The following CTIF variants were observed in gnomAD, a reference collection of about 807,000 sequenced individuals.
CTIF encodes the protein CBP80/20-dependent translation initiation factor.
In CTIF, 21 loss-of-function variants were observed where a neutral mutation model predicts 66.0. The observed-to-expected ratio is 0.32, with a 90% confidence interval of 0.23 to 0.46. CTIF has a LOEUF of 0.46. Ranked by LOEUF, CTIF falls within the 20% of genes least tolerant of loss-of-function variation. CTIF has a pLI of 1.00. For synonymous variants in CTIF, 345 were observed against 326.4 expected, an observed-to-expected ratio of 1.06 and a Z score of -0.62; for missense variants, 739 against 812.7, an observed-to-expected ratio of 0.91 and a Z score of 1.10.
intron 7 of CTIF, among the ~76,000 whole-genome samples, chr18:48,721,475 A>G (rs997522644): frequency 4.6e-5 from 7 of 152,300 alleles, no homozygotes; most frequent in Non-Finnish European, 7.4e-5. Flanking sequence ...CGGAGCCCCA[A>G]GCAACCTGGC....
intron 1 of CTIF, among the ~76,000 whole-genome samples, chr18:48,601,259 A>C (rs1177886164): frequency 6.6e-6 from 1 of 152,220 alleles, no homozygotes; most frequent in Non-Finnish European, 1.5e-5. Context: ...TCCCAAAAGA[A>C]AAATGTGTTT....
At chr18:48,733,712 G>A (rs2092475160) in intron 7 of CTIF, among the ~76,000 whole-genome samples, 1 of 152,240 alleles carries the variant, frequency 6.6e-6, no homozygotes, top group Non-Finnish European at 1.5e-5. Flanking sequence ...TTCATTTGCA[G>A]CCCGTGATGA....
chr18:48,636,065 T>C (rs1393468478), intron 2 of CTIF, among the ~76,000 whole-genome samples: 2 of 152,174 alleles, frequency 1.3e-5, no homozygotes, highest in Admixed American at 6.5e-5. Flanking sequence ...AGACCACACT[T>C]TGGGACACAG....
intron 9 of CTIF, among the ~76,000 whole-genome samples, chr18:48,776,151 C>T (rs1599023356): frequency 6.6e-6 from 1 of 152,316 alleles, no homozygotes; most frequent in East Asian, 1.9e-4. Flanking sequence ...TGGTGTGGCA[C>T]CAAGGGCCTG....
intron 3 of CTIF, among the ~76,000 whole-genome samples, chr18:48,638,575 G>A (rs1381038697): frequency 1.3e-5 from 2 of 152,060 alleles, no homozygotes; most frequent in East Asian, 1.9e-4. Context: ...GTAGGGGTTC[G>A]CCAGATAATA....
intron 1 of CTIF, among the ~76,000 whole-genome samples, chr18:48,564,095 A>G (rs1232305989): frequency 2.0e-5 from 3 of 151,858 alleles, no homozygotes; most frequent in Non-Finnish European, 4.4e-5. Context: ...GGTTTTCCTC[A>G]TTTTCAGGAG....
chr18:48,561,202 C>A (rs1399267185), intron 1 of CTIF, among the ~76,000 whole-genome samples: 1 of 117,644 alleles, frequency 8.5e-6, no homozygotes, highest in Non-Finnish European at 1.6e-5. Context: ...TGTGCCACTG[C>A]ATTTCAGCTT....
rs1212960290 is a variant in CTIF at position 48,853,076 on chromosome 18, ACT to A, written c.1528-4508_1528-4507del. On this transcript the variant is annotated intron_variant, in intron 10 of 11. Coordinates refer to ENST00000256413, the MANE Select transcript of CTIF (RefSeq NM_014772.3). ...TGAGCATTTTCCTTTCCTGTCACAG[ACT>A]CTCAGCTGGGCGAGTTTTCTCCCTG... Among the ~76,000 whole-genome samples, 4 of 151,908 alleles carry A rather than the reference ACT, an allele frequency of 2.6e-5. No homozygotes were observed. In the South Asian group the frequency reaches 6.2e-4, roughly 24 times the overall value.
intron 10 of CTIF, among the ~76,000 whole-genome samples, chr18:48,832,415 C>T (rs1439365055): frequency 1.3e-5 from 2 of 152,062 alleles, no homozygotes; most frequent in East Asian, 1.9e-4. Context: ...CAAGCAATCC[C>T]GCCTCAGCCT....
rs528909716 is a variant in CTIF, at chr18:48,774,688, G to C, written c.1371+12999G>C. Reference sequence around the variant, plus strand: ...TCCAGAGAAGTCTGTATGCACCCAGGTCATTCACACCTAGACCCATTAAGC... The same window carrying C: ...TCCAGAGAAGTCTGTATGCACCCAGCTCATTCACACCTAGACCCATTAAGC... On this transcript the variant is annotated intron_variant, in intron 9 of 11. Transcript: ENST00000256413. 1.2e-4 allele frequency among the ~76,000 whole-genome samples: 18 copies of C among 152,200 alleles called. No individual in the cohort carries two copies. In the East Asian group the frequency reaches 3.5e-3, roughly 29 times the overall value.
At chr18:48,738,478 G>A (rs763928101) in intron 7 of CTIF, among the ~76,000 whole-genome samples, 3 of 151,700 alleles carry the variant, frequency 2.0e-5, no homozygotes, top group Non-Finnish European at 4.4e-5. Flanking sequence ...CTGCACTCCC[G>A]CCACCCTGCC....
chr18:48,849,225 T>G (rs1599161808), intron 10 of CTIF, among the ~76,000 whole-genome samples: 1 of 128,954 alleles, frequency 7.8e-6, no homozygotes, highest in African/African-American at 3.1e-5. Flanking sequence ...TGAGACAGAG[T>G]CTTACTCTGT....
intron 10 of CTIF, among the ~76,000 whole-genome samples, chr18:48,847,129 G>A (rs1406346689): frequency 1.3e-5 from 2 of 151,910 alleles, no homozygotes; most frequent in Non-Finnish European, 2.9e-5. Context: ...CCAACATGGT[G>A]AAACCCCATC....
intron 7 of CTIF, among the ~76,000 whole-genome samples, chr18:48,713,848 A>C (rs1294961463): frequency 6.6e-6 from 1 of 152,178 alleles, no homozygotes; most frequent in Non-Finnish European, 1.5e-5. Context: ...AAACATCTTG[A>C]CCATTTGGGG....
intron 1 of CTIF, among the ~76,000 whole-genome samples, chr18:48,559,350 C>T (rs2089097903): frequency 6.6e-6 from 1 of 151,954 alleles, no homozygotes; most frequent in Non-Finnish European, 1.5e-5. Context: ...GGTCTGTAGT[C>T]CTACCACCCC....
At chr18:48,774,008 G>A (rs1463823443) in intron 9 of CTIF, among the ~76,000 whole-genome samples, 1 of 152,148 alleles carries the variant, frequency 6.6e-6, no homozygotes, top group Non-Finnish European at 1.5e-5. Flanking sequence ...TCTAGATAAA[G>A]AGCAGGCCCC....
intron 7 of CTIF, among the ~76,000 whole-genome samples, chr18:48,755,150 G>A (rs1001597934): frequency 1.2e-4 from 18 of 152,356 alleles, no homozygotes; most frequent in African/African-American, 3.6e-4. Context: ...TAAGGATGAC[G>A]AAAGTTGTGA....
intron 1 of CTIF, among the ~76,000 whole-genome samples, chr18:48,569,596 A>T (rs1202220037): frequency 6.6e-6 from 1 of 152,240 alleles, no homozygotes; most frequent in African/African-American, 2.4e-5. Flanking sequence ...ATTTGATTTA[A>T]TACCATGTGA....
In CTIF at chr18:48,761,506, C is replaced by A. The variant is rs756915974; in HGVS notation, c.1188C>A (p.Phe396Leu). ...ACGTGGACACCAAGCTCACCACCTT[C>A]ATGGAGGAGGCCCAGAACTCCACCA... is the stretch of plus-strand genomic sequence containing the variant. The part of the protein sequence containing the change: ...SSDVDTKLTT[F>L]MEEAQNSTNS... The change falls in exon 9 of 12, where the codon TTC (phenylalanine) becomes TTA (leucine). Residue 396 changes from phenylalanine (F) to leucine (L), a missense_variant. Phe to Leu is a conservative substitution (Grantham distance 22). Coordinates refer to ENST00000256413, the MANE Select transcript of CTIF (RefSeq NM_014772.3). This position sits in a 1 kb window ranked among gnomAD's most constrained non-coding sequence, Gnocchi z 4.2. 6.2e-7 allele frequency: 1 copy of A among 1,614,202 alleles called. No homozygotes were observed. The highest frequency in any genetic ancestry group is 1.1e-5 in the South Asian group (1 of 91,078).
Sources: gnomAD v4.1 joint callset for allele counts (sites outside exome capture counted in the v4.1 genomes callset) on GRCh38, gnomAD v4.1.1 for gene constraint, Gnocchi (gnomAD v3.1) non-coding constraint, MANE v1.5 for transcripts, NCBI Gene and HGNC (gene_info 2026-07-23, HGNC 2026-07-21) for gene names.